Variants in LRTM3 observed in about 807,000 individuals in gnomAD.
LRTM3 encodes leucine rich repeat transmembrane protein 3, also known as leucine-rich repeat transmembrane protein 3.
At chr13:102,745,547 A>C in the LRTM3 span, 9 of 1,551,044 alleles carry the variant, frequency 5.8e-6, no homozygotes, top group Non-Finnish European at 7.8e-6. Context: ...CATGTATGAA[A>C]TTGATGGCTT....
At chr13:102,745,864 C>G in the LRTM3 span, 3 of 1,551,010 alleles carry the variant, frequency 1.9e-6, no homozygotes, top group African/African-American at 4.1e-5. Context: ...AAGTAGACTT[C>G]AAAATAGTTT....
the LRTM3 span, chr13:102,734,438 G>A: frequency 2.6e-6 from 4 of 1,551,342 alleles, no homozygotes; most frequent in Non-Finnish European, 3.5e-6. Context: ...AATCATACCT[G>A]GTGGTTTATC....
the LRTM3 span, chr13:102,738,679 G>A: frequency 6.4e-7 from 1 of 1,550,524 alleles, no homozygotes; most frequent in Admixed American, 2.0e-5. Flanking sequence ...ATGACTCTTG[G>A]AGATTTGGTT....
At chr13:102,737,599 T>C in the LRTM3 span, 18 of 1,550,998 alleles carry the variant, frequency 1.2e-5, no homozygotes, top group Non-Finnish European at 1.3e-5. Context: ...GTAGGTTCTG[T>C]GAAAGTGCCT....
chr13:102,749,290 A>G, the LRTM3 span: 10 of 1,551,148 alleles, frequency 6.4e-6, no homozygotes, highest in Non-Finnish European at 8.7e-6. Context: ...CTTTAATGGT[A>G]GACAAAAGAG....
the LRTM3 span, chr13:102,747,022 A>G: frequency 1.9e-6 from 3 of 1,551,002 alleles, no homozygotes; most frequent in South Asian, 3.6e-5. Context: ...CCTTCTCTAG[A>G]TGTGCATCAA....
the LRTM3 span, chr13:102,748,720 A>G: frequency 1.3e-6 from 2 of 1,549,758 alleles, no homozygotes; most frequent in Non-Finnish European, 1.7e-6. Flanking sequence ...TTGCTTGTGT[A>G]ATTGAGTCTT....
At chr13:102,747,500 G>A in the LRTM3 span, 1 of 1,550,180 alleles carries the variant, frequency 6.5e-7, no homozygotes, top group African/African-American at 1.4e-5. Flanking sequence ...TTTAAAATAT[G>A]GTAAAGTAAG....
the LRTM3 span, chr13:102,741,328 A>G: frequency 2.6e-6 from 4 of 1,549,672 alleles, no homozygotes; most frequent in South Asian, 3.6e-5. Context: ...GAGGGTCCTT[A>G]CTGAGGAAAG....
chr13:102,737,388 C>T, the LRTM3 span: 2 of 1,550,796 alleles, frequency 1.3e-6, no homozygotes, highest in Non-Finnish European at 1.7e-6. Context: ...AGAGAAGACT[C>T]AGAAGGCAAA....
At chr13:102,752,141 G>A in the LRTM3 span, among the ~76,000 whole-genome samples, 3 of 152,264 alleles carry the variant, frequency 2.0e-5, no homozygotes, top group Non-Finnish European at 4.4e-5. Context: ...GGAAGGATGT[G>A]CAGTGGGGGT....
the LRTM3 span, chr13:102,738,585 G>A: frequency 6.5e-7 from 1 of 1,550,102 alleles, no homozygotes; most frequent in Admixed American, 2.0e-5. Context: ...TGTTCTTTTT[G>A]CAATATAGAT....
At chr13:102,749,172 C>T in the LRTM3 span, 8 of 1,550,500 alleles carry the variant, frequency 5.2e-6, no homozygotes, top group East Asian at 2.4e-5. Flanking sequence ...GTGTGACATA[C>T]TGTGATTTGA....
the LRTM3 span, chr13:102,738,750 T>C: frequency 1.3e-6 from 2 of 1,550,716 alleles, no homozygotes; most frequent in Non-Finnish European, 1.7e-6. Flanking sequence ...GTGCCCACTT[T>C]AGAGTAAGGT....
the LRTM3 span, chr13:102,734,663 T>A: frequency 6.4e-7 from 1 of 1,551,234 alleles, no homozygotes. Context: ...GGACTCTCTA[T>A]GTACAGTCTC....
At chr13:102,755,786 A>T in the LRTM3 span, among the ~76,000 whole-genome samples, 2 of 151,366 alleles carry the variant, frequency 1.3e-5, no homozygotes, top group Non-Finnish European at 2.9e-5. Context: ...AAGGAATTTT[A>T]AAAAATTAAA....
chr13:102,738,032 C>T, the LRTM3 span: 1 of 1,550,106 alleles, frequency 6.5e-7, no homozygotes, highest in Non-Finnish European at 8.7e-7. Flanking sequence ...CTTTTCTTGT[C>T]CTGCACCTCT....
chr13:102,738,026 T>A, the LRTM3 span: 1 of 1,550,530 alleles, frequency 6.4e-7, no homozygotes, highest in Non-Finnish European at 8.7e-7. Flanking sequence ...ATCAACCTTT[T>A]CTTGTCCTGC....
the LRTM3 span, among the ~76,000 whole-genome samples, chr13:102,751,539 C>A: frequency 6.6e-6 from 1 of 152,126 alleles, no homozygotes; most frequent in Admixed American, 6.5e-5. Flanking sequence ...AACTCTCCAG[C>A]TGATTCTGAT....
Sources: allele counts gnomAD v4.1 joint callset (sites outside exome capture counted in the v4.1 genomes callset), GRCh38; gene constraint gnomAD v4.1.1; transcripts MANE v1.5; gene names NCBI Gene and HGNC (gene_info 2026-07-23, HGNC 2026-07-21).